The following RIN2 variants were observed in gnomAD, a reference collection of about 807,000 sequenced individuals.
The protein encoded by RIN2 is Ras and Rab interactor 2, also known as RAB5 interacting protein 2.
RIN2 carries 36 observed loss-of-function variants against 78.0 expected under a neutral mutation model. The observed-to-expected ratio is 0.46, with a 90% confidence interval of 0.35 to 0.61. The LOEUF (loss-of-function observed/expected upper bound fraction) is 0.61, where lower values mean the gene tolerates loss of function less well. Among genes scored for constraint, RIN2 ranks in the 20% least tolerant of loss-of-function variants. The pLI, the probability that RIN2 is intolerant of heterozygous loss-of-function variation, is 0.00. For synonymous variants in RIN2, 466 were observed against 466.8 expected (o/e 1.00, Z 0.02); for missense variants, 1,087 against 1,159.7 (o/e 0.94, Z 0.91).
chr20:19,832,397 G>GCCTC (rs1415533325), intron 2 of RIN2, among the ~76,000 whole-genome samples: 6 of 148,986 alleles, frequency 4.0e-5, no homozygotes, highest in Non-Finnish European at 8.9e-5. Context: ...TCCCTAGACT[G>GCCTC]CCTCCCTCTT....
At chr20:19,994,275 C>T (rs1294529449) in intron 11 of RIN2, among the ~76,000 whole-genome samples, 1 of 152,176 alleles carries the variant, frequency 6.6e-6, no homozygotes, top group Non-Finnish European at 1.5e-5. Flanking sequence ...TGCACAGCAT[C>T]GAACTGAAGC....
At chr20:19,934,418 T>A in intron 3 of RIN2, 1 of 946,906 alleles carries the variant, frequency 1.1e-6, no homozygotes, top group South Asian at 4.9e-5. Flanking sequence ...GCCTGAAGGG[T>A]CAGATGCAGG....
intron 4 of RIN2, among the ~76,000 whole-genome samples, chr20:19,938,377 C>G (rs535241082): frequency 2.0e-5 from 3 of 151,962 alleles, no homozygotes; most frequent in Admixed American, 2.0e-4. Flanking sequence ...CACCACCACA[C>G]CCAGCTAATT....
At chr20:19,844,692 C>CTTCTTCTTCTTCTTCTTCT (rs1555832328) in intron 2 of RIN2, among the ~76,000 whole-genome samples, 4 of 117,626 alleles carry the variant, frequency 3.4e-5, no homozygotes, top group African/African-American at 1.3e-4. Flanking sequence ...CTTCCTCTTC[C>CTTCTTCTTCTTCTTCTTCT]TCTTCCTCTT....
chr20:19,878,772 G>A (rs1223703753), intron 2 of RIN2, among the ~76,000 whole-genome samples: 1 of 152,064 alleles, frequency 6.6e-6, no homozygotes, highest in Non-Finnish European at 1.5e-5. Context: ...GGGCCCACTC[G>A]ACCCTCCGTG....
chr20:19,996,723 A>C lies in RIN2; in HGVS notation c.2245A>C (p.Lys749Gln). ...CGCATATGGAGCACTTTCTCTGATAAAGAATTTCCAAGAAGAACAAGCAGC... is the reference window on the plus strand; with the variant it reads ...CGCATATGGAGCACTTTCTCTGATACAGAATTTCCAAGAAGAACAAGCAGC... Reference protein sequence around the residue: ...TSAYGALSLIKNFQEEQAARL... With the variant: ...TSAYGALSLIQNFQEEQAARL... Residue 749 changes from lysine (K) to glutamine (Q), a missense_variant, in exon 12 of 13, where the codon AAG becomes CAG. Around this residue, in one of 8 missense-constraint regions of RIN2, gnomAD observed 45 missense variants for 88.1 expected, o/e 0.51. Transcript: ENST00000255006. The C allele has an allele frequency of 6.2e-7, 1 of 1,613,992 alleles. No homozygotes were observed. The highest frequency in any genetic ancestry group is 1.1e-5 in the South Asian group (1 of 91,080).
intron 2 of RIN2, among the ~76,000 whole-genome samples, chr20:19,802,510 C>G (rs1232943847): frequency 1.3e-5 from 2 of 150,946 alleles, no homozygotes; most frequent in African/African-American, 4.9e-5. Flanking sequence ...GTTCCTGGGG[C>G]TTGGCCTCCC....
At chr20:19,761,418 G>A (rs2033636630) in intron 1 of RIN2, among the ~76,000 whole-genome samples, 1 of 152,160 alleles carries the variant, frequency 6.6e-6, no homozygotes, top group Non-Finnish European at 1.5e-5. Context: ...TTTATGGCAG[G>A]ACTTTAAGGA....
chr20:19,852,110 C>T (rs987960572), intron 2 of RIN2, among the ~76,000 whole-genome samples: 1 of 152,184 alleles, frequency 6.6e-6, no homozygotes, highest in African/African-American at 2.4e-5. Context: ...AGAGCCAGTG[C>T]TCATGGCATT....
intron 2 of RIN2, chr20:19,886,889 A>T (rs1312545369): frequency 8.1e-6 from 5 of 620,176 alleles, no homozygotes; most frequent in Non-Finnish European, 1.4e-5. Flanking sequence ...AAGAGAAGTT[A>T]TCGTTTTAAA....
At chr20:19,776,788 C>T (rs1353855923) in intron 1 of RIN2, among the ~76,000 whole-genome samples, 3 of 151,848 alleles carry the variant, frequency 2.0e-5, no homozygotes, top group Non-Finnish European at 4.4e-5. Context: ...AGCCTGGAAA[C>T]CCCTTCCCTT....
chr20:19,887,771 G>C (rs116352820), intron 2 of RIN2, among the ~76,000 whole-genome samples: 150 of 152,284 alleles, frequency 9.9e-4, no homozygotes, highest in African/African-American at 3.5e-3. Context: ...TGAAGTCTTG[G>C]CTCTCGTTTA....
At chr20:19,791,849 G>C (rs532693313) in intron 1 of RIN2, among the ~76,000 whole-genome samples, 2 of 152,134 alleles carry the variant, frequency 1.3e-5, no homozygotes, top group Non-Finnish European at 2.9e-5. Flanking sequence ...TGCCTGTATC[G>C]TGTCCACTTC....
chr20:19,795,275 G>A (rs896098813), intron 1 of RIN2, among the ~76,000 whole-genome samples: 10 of 152,154 alleles, frequency 6.6e-5, no homozygotes, highest in Non-Finnish European at 1.0e-4. Flanking sequence ...TGTTTCTGTA[G>A]TAATATCTTA....
At chr20:19,867,443 C>G (rs1180274857) in intron 2 of RIN2, among the ~76,000 whole-genome samples, 1 of 152,170 alleles carries the variant, frequency 6.6e-6, no homozygotes, top group Non-Finnish European at 1.5e-5. Context: ...TTCAGTTAAG[C>G]ATCCAACTGA....
At chr20:19,940,644 C>T (rs760451072) in intron 4 of RIN2, among the ~76,000 whole-genome samples, 11 of 152,252 alleles carry the variant, frequency 7.2e-5, no homozygotes, top group African/African-American at 9.6e-5. Flanking sequence ...TGGTTTCCTG[C>T]TTCCTCTCTT....
chr20:19,961,299 A>C (rs1162629142), intron 6 of RIN2, among the ~76,000 whole-genome samples: 1 of 152,238 alleles, frequency 6.6e-6, no homozygotes, highest in Non-Finnish European at 1.5e-5. Flanking sequence ...GCAGCTAATC[A>C]GAGGCAGAAT....
rs537622240 is a variant in RIN2, at chr20:20,001,101, G to A, written c.*165G>A. On this transcript the variant is annotated 3_prime_UTR_variant, in exon 13 of 13. Coordinates refer to ENST00000255006, the MANE Select transcript of RIN2 (RefSeq NM_018993.4). The stretch of plus-strand genomic sequence containing the variant: ...CTCGGCCAAGGGCAACTTTAGCCAC[G>A]CAAGGTAGCTGAGGTTTGTGAAACA... The A allele has an allele frequency of 2.6e-5, 16 of 607,924 alleles. No homozygotes were observed. Among genetic ancestry groups the A allele is most frequent in the African/African-American group, 1.1e-4 (6 of 54,154 alleles). The allele number at this position is 607,924 out of a possible 1,614,324, so 37.7% of individuals were successfully genotyped here.
chr20:19,782,715 CT>C (rs1440977247), intron 1 of RIN2, among the ~76,000 whole-genome samples: 1 of 152,174 alleles, frequency 6.6e-6, no homozygotes, highest in African/African-American at 2.4e-5. Context: ...GCCTCCCTTC[CT>C]CCTACTTGGC....
Sources: gnomAD v4.1 joint callset for allele counts (sites outside exome capture counted in the v4.1 genomes callset) on GRCh38, gnomAD v4.1.1 for gene constraint, gnomAD v4.1.1 regional missense constraint, MANE v1.5 for transcripts, NCBI Gene and HGNC (gene_info 2026-07-23, HGNC 2026-07-21) for gene names.